The following SRRM3 variants were observed in gnomAD, a reference collection of about 807,000 sequenced individuals.
SRRM3 encodes the protein serine/arginine repetitive matrix protein 3.
SRRM3 carries 27 observed loss-of-function variants against 66.2 expected under a neutral mutation model. The observed-to-expected ratio is 0.41, with a 90% CI of 0.30 to 0.56. The LOEUF is 0.56. Ranked by LOEUF, SRRM3 falls within the 20% of genes least tolerant of loss-of-function variation. The pLI is 0.32. For missense variants in SRRM3, 918 were observed against 991.9 expected (o/e 0.93, Z 1.00); for synonymous variants, 391 against 414.9 (o/e 0.94, Z 0.70).
At position 76,281,808 on chromosome 7, in the gene SRRM3, C is replaced by G; in HGVS notation, c.1370+6C>G. 7.3e-7 allele frequency: 1 copy of G among 1,361,130 alleles called. No homozygotes were observed. The highest frequency in any genetic ancestry group is 9.5e-7 in the Non-Finnish European group (1 of 1,056,838). 84.3% of individuals were successfully genotyped at this position (1,361,130 alleles called of 1,614,324 possible). A position where few individuals can be genotyped will look rare whatever the true frequency, so the allele number is the denominator to read the frequency against. Reference sequence around the variant, plus strand: ...CACGGCGGACACGGGAAACGGTGAGCGTGCTGGACCCGGAGCTGGACTCCC... The same window carrying G: ...CACGGCGGACACGGGAAACGGTGAGGGTGCTGGACCCGGAGCTGGACTCCC... On this transcript the variant is annotated splice_donor_region_variant and intron_variant, in intron 12 of 14. Coordinates refer to ENST00000611745, the MANE Select transcript of SRRM3 (RefSeq NM_001110199.3).
chr7:76,275,193 A>G (rs868993332), intron 11 of SRRM3, among the ~76,000 whole-genome samples: 5 of 152,066 alleles, frequency 3.3e-5, no homozygotes, highest in Admixed American at 2.6e-4. Context: ...AGCTTTGAAA[A>G]GAGAAGGCCC....
At chr7:76,225,085 CCA>C (rs1800824171) in intron 1 of SRRM3, among the ~76,000 whole-genome samples, 1 of 152,130 alleles carries the variant, frequency 6.6e-6, no homozygotes, top group Non-Finnish European at 1.5e-5. Context: ...AATATTTTTT[CCA>C]CCAGCCTGAC....
chr7:76,244,417 C>A (rs1410783382), intron 2 of SRRM3, among the ~76,000 whole-genome samples: 1 of 151,458 alleles, frequency 6.6e-6, no homozygotes, highest in African/African-American at 2.4e-5. Flanking sequence ...CCCAGCTACC[C>A]GGGAAGCTAA....
At chr7:76,266,474 T>C (rs1372767333) in intron 10 of SRRM3, among the ~76,000 whole-genome samples, 2 of 111,178 alleles carry the variant, frequency 1.8e-5, no homozygotes, top group Non-Finnish European at 3.3e-5. Flanking sequence ...ATTATAAATA[T>C]TTATATATTT....
At chr7:76,259,016 G>C (rs1467367373) in intron 3 of SRRM3, among the ~76,000 whole-genome samples, 1 of 151,920 alleles carries the variant, frequency 6.6e-6, no homozygotes, top group Admixed American at 6.6e-5. Context: ...ACTGCAGCAG[G>C]CAGAGGTTGC....
intron 1 of SRRM3, among the ~76,000 whole-genome samples, chr7:76,215,801 T>TC (rs1800554169): frequency 1.4e-5 from 2 of 140,254 alleles, no homozygotes; most frequent in African/African-American, 5.4e-5. Flanking sequence ...TAATTTTTTT[T>TC]TTTTTTTTTT....
Position 76,283,050 on chromosome 7 carries a change from G to A in SRRM3, c.1682G>A (p.Arg561His). ...CGCTCCCGCAGCTACTCGCCCATCC[G>A]CAAGCGGCGCCGGGACTCGCCAAGC... Reference protein sequence around the residue: ...RRRSRSYSPIRKRRRDSPSFM... With the variant: ...RRRSRSYSPIHKRRRDSPSFM... The change falls in exon 14 of 15, where the codon CGC becomes CAC. Residue 561 changes from arginine (R) to histidine (H), a missense_variant. Transcript: ENST00000611745. 2.7e-6 allele frequency: 4 copies of A among 1,492,456 alleles called. No homozygotes were observed. The highest frequency in any genetic ancestry group is 2.7e-6 in the Non-Finnish European group (3 of 1,131,724). 92.5% of individuals were successfully genotyped at this position (1,492,456 alleles called of 1,614,324 possible).
At chr7:76,208,057 A>G (rs1800343270) in intron 1 of SRRM3, among the ~76,000 whole-genome samples, 1 of 152,108 alleles carries the variant, frequency 6.6e-6, no homozygotes, top group African/African-American at 2.4e-5. Context: ...AAATAACTTT[A>G]TGGCCTGGGA....
chr7:76,278,941 T>C (rs1802429644), intron 11 of SRRM3, among the ~76,000 whole-genome samples: 1 of 152,106 alleles, frequency 6.6e-6, no homozygotes. Flanking sequence ...GGCAGCATCT[T>C]TTGTCTTCTC....
chr7:76,267,176 A>C, intron 10 of SRRM3, 82 bp from the exon 11 acceptor site: 1 of 1,270,152 alleles, frequency 7.9e-7, no homozygotes, highest in Non-Finnish European at 1.0e-6. Flanking sequence ...CGTGCTGGGG[A>C]AGGGGGAAAG....
At chr7:76,205,750 G>A (rs1241938396) in intron 1 of SRRM3, among the ~76,000 whole-genome samples, 3 of 152,208 alleles carry the variant, frequency 2.0e-5, no homozygotes, top group Admixed American at 1.3e-4. Context: ...AAAGAGTCCT[G>A]GGATCTGTAG....
At chr7:76,203,090 G>C (rs1583857239) in intron 1 of SRRM3, among the ~76,000 whole-genome samples, 1 of 152,166 alleles carries the variant, frequency 6.6e-6, no homozygotes, top group Admixed American at 6.5e-5. Context: ...CTCTGTCCAG[G>C]GAGCATCTTA....
At chr7:76,265,823 AATATTTAT>A (rs1802000049) in intron 10 of SRRM3, among the ~76,000 whole-genome samples, 1 of 65,584 alleles carries the variant, frequency 1.5e-5, no homozygotes, top group African/African-American at 1.6e-4. Flanking sequence ...ATATTTAATA[AATATTTAT>A]ATATATATAT....
rs1321802310 is a variant in SRRM3 at position 76,282,788 on chromosome 7, C to T, written c.1511C>T (p.Ser504Leu). Residue 504 changes from serine to leucine, a missense_variant, in exon 13 of 15, where the codon TCG (serine) becomes TTG (leucine). Physicochemically the swap from Ser to Leu is moderately radical, Grantham distance 145. Coordinates refer to ENST00000611745, the MANE Select transcript of SRRM3 (RefSeq NM_001110199.3). Reference protein sequence around the residue: ...PHPRSWSSSRSPSKSRSRSAE... With the variant: ...PHPRSWSSSRLPSKSRSRSAE... ...CCCCGCTCCTGGAGCTCCAGCCGCT[C>T]GCCCTCCAAATCTCGCTCGCGCTCT... 1.4e-6 allele frequency: 2 copies of T among 1,466,410 alleles called. No homozygotes were observed. The highest frequency in any genetic ancestry group is 1.5e-5 in the African/African-American group (1 of 68,190). The allele number at this position is 1,466,410 out of a possible 1,614,324, so 90.8% of individuals were successfully genotyped here.
At chr7:76,249,240 G>A (rs962624528) in intron 3 of SRRM3, among the ~76,000 whole-genome samples, 2 of 151,898 alleles carry the variant, frequency 1.3e-5, no homozygotes, top group South Asian at 2.1e-4. Context: ...ACAAAAATTA[G>A]CCAGGCATGG....
chr7:76,282,994 C>T lies in SRRM3; in HGVS notation c.1626C>T (p.His542=). The T allele has an allele frequency of 6.9e-7, 1 of 1,457,056 alleles. No homozygotes were observed. Among genetic ancestry groups the T allele is most frequent in the Non-Finnish European group, 9.0e-7 (1 of 1,110,926 alleles). The allele number at this position is 1,457,056 out of a possible 1,614,324, so 90.3% of individuals were successfully genotyped here. Residue 542 remains histidine, a synonymous_variant, in exon 14 of 15, where the codon CAC becomes CAT. Coordinates refer to ENST00000611745, the MANE Select transcript of SRRM3 (RefSeq NM_001110199.3). ...RDKDGEGRAR[H]SEAEATRARR... The stretch of plus-strand genomic sequence containing the variant: ...AGGACGGCGAGGGCCGCGCAAGGCA[C>T]TCTGAGGCCGAGGCCACCCGCGCCC...
chr7:76,212,735 C>T (rs1554601900), intron 1 of SRRM3, among the ~76,000 whole-genome samples: 1 of 152,166 alleles, frequency 6.6e-6, no homozygotes, highest in African/African-American at 2.4e-5. Context: ...TCCCAAAGTG[C>T]AGGGATTACA....
At chr7:76,258,443 G>A (rs1170809475) in intron 3 of SRRM3, among the ~76,000 whole-genome samples, 8 of 152,302 alleles carry the variant, frequency 5.3e-5, no homozygotes, top group South Asian at 2.1e-4. Flanking sequence ...TGCCGGGCGC[G>A]GTGGCTCACG....
chr7:76,261,540 C>T lies in SRRM3; in HGVS notation c.639-6C>T. ...GGCTCAAGAGAACTCCTTTATCGCC[C>T]TACAGGTCTGATTCTGGGTCCCGGA... On this transcript the variant is annotated splice_region_variant and splice_polypyrimidine_tract_variant and intron_variant, in intron 7 of 14. Coordinates refer to ENST00000611745, the MANE Select transcript of SRRM3 (RefSeq NM_001110199.3). 2 of 1,611,672 alleles carry T rather than the reference C, an allele frequency of 1.2e-6. No homozygotes were observed. The highest frequency in any genetic ancestry group is 1.7e-6 in the Non-Finnish European group (2 of 1,178,990).
Sources: gnomAD v4.1 joint callset for allele counts (sites outside exome capture counted in the v4.1 genomes callset) on GRCh38, gnomAD v4.1.1 for gene constraint, MANE v1.5 for transcripts, NCBI Gene and HGNC (gene_info 2026-07-23, HGNC 2026-07-21) for gene names.